Variants in SYTL3 observed in about 807,000 individuals in gnomAD.
The protein encoded by SYTL3 is synaptotagmin-like protein 3.
In SYTL3, 88 loss-of-function variants were observed where a neutral mutation model predicts 82.1. The observed-to-expected ratio is 1.07, with a 90% confidence interval of 0.90 to 1.28. The LOEUF is 1.28. Ranked by LOEUF, SYTL3 falls within the 50% of genes most tolerant of loss-of-function variation. The pLI is 0.00. For missense variants in SYTL3, 831 were observed against 757.6 expected (o/e 1.10, Z -1.14); for synonymous variants, 311 against 289.4 (o/e 1.07, Z -0.76).
At chr6:158,745,102 C>T (rs559831789) in intron 11 of SYTL3, among the ~76,000 whole-genome samples, 1 of 152,012 alleles carries the variant, frequency 6.6e-6, no homozygotes, top group Non-Finnish European at 1.5e-5. Context: ...GCCACTTAGC[C>T]CCAGACTGTG....
chr6:158,685,130 C>T (rs1202419838), intron 6 of SYTL3, among the ~76,000 whole-genome samples: 1 of 152,016 alleles, frequency 6.6e-6, no homozygotes, highest in Non-Finnish European at 1.5e-5. Flanking sequence ...TGCCGTCATC[C>T]CATGTGGAAT....
chr6:158,687,145 C>A (rs2128414414), intron 6 of SYTL3, among the ~76,000 whole-genome samples: 1 of 152,288 alleles, frequency 6.6e-6, no homozygotes, highest in Middle Eastern at 3.4e-3. Flanking sequence ...TAGCAAATTC[C>A]CCTCAAACCT....
chr6:158,727,630 T>C (rs1169807204), intron 11 of SYTL3, among the ~76,000 whole-genome samples: 16 of 150,546 alleles, frequency 1.1e-4, no homozygotes, highest in Admixed American at 1.1e-3. Flanking sequence ...CCACCAGGCC[T>C]CGAGGCCACC....
At chr6:158,712,267 G>A (rs1583330104) in intron 8 of SYTL3, among the ~76,000 whole-genome samples, 1 of 152,100 alleles carries the variant, frequency 6.6e-6, no homozygotes, top group Admixed American at 6.6e-5. Context: ...AGTGGGTGGT[G>A]CCTGCCAATA....
chr6:158,718,760 T>C (rs1389049959), intron 10 of SYTL3, among the ~76,000 whole-genome samples: 1 of 152,206 alleles, frequency 6.6e-6, no homozygotes, highest in East Asian at 1.9e-4. Flanking sequence ...GAGTGAACGC[T>C]TCGGGTATGA....
Position 158,718,153 on chromosome 6 carries a change from G to A in SYTL3, c.662G>A (p.Cys221Tyr). The A allele has an allele frequency of 6.5e-7, 1 of 1,546,622 alleles. No individual in the cohort carries two copies. The highest frequency in any genetic ancestry group is 8.7e-7 in the Non-Finnish European group (1 of 1,145,076). Residue 221 changes from cysteine (C) to tyrosine (Y), a missense_variant, in exon 10 of 18, where the codon TGT becomes TAT. Transcript: ENST00000611299. ...KHLLATGPRQ[C>Y]VGQTERRSQS... The stretch of plus-strand genomic sequence containing the variant: ...CTTCTCGCCACGGGCCCCAGGCAGT[G>A]TGTGGGACAGACAGAGAGACGGAGC...
chr6:158,738,641 C>G (rs748265944), intron 11 of SYTL3, among the ~76,000 whole-genome samples: 1 of 152,140 alleles, frequency 6.6e-6, no homozygotes, highest in East Asian at 1.9e-4. Flanking sequence ...TTTTCTCTCC[C>G]CACCTCAGCT....
chr6:158,692,315 A>G (rs1348241999), intron 6 of SYTL3, among the ~76,000 whole-genome samples: 1 of 150,256 alleles, frequency 6.7e-6, no homozygotes, highest in Non-Finnish European at 1.5e-5. Flanking sequence ...GTAATAGATA[A>G]GCAGTCTACT....
chr6:158,731,767 G>GT (rs2128490831), intron 11 of SYTL3, among the ~76,000 whole-genome samples: 1 of 152,116 alleles, frequency 6.6e-6, no homozygotes, highest in African/African-American at 2.4e-5. Context: ...CTAATTTTTT[G>GT]TATTTTTAGT....
At chr6:158,694,270 C>T (rs1780323402) in intron 6 of SYTL3, among the ~76,000 whole-genome samples, 1 of 151,986 alleles carries the variant, frequency 6.6e-6, no homozygotes, top group Non-Finnish European at 1.5e-5. Context: ...TAATAATCTT[C>T]CTGAGACAGG....
chr6:158,664,204 T>C (rs1449923309), intron 4 of SYTL3, among the ~76,000 whole-genome samples: 1 of 152,216 alleles, frequency 6.6e-6, no homozygotes, highest in Non-Finnish European at 1.5e-5. Context: ...ATCCTCCCTG[T>C]TATTTCAAAG....
rs1179468688 is a variant in SYTL3 at position 158,693,406 on chromosome 6, G to T, written c.394+10417G>T. Among the ~76,000 whole-genome samples, 3 of 152,068 alleles carry T rather than the reference G, an allele frequency of 2.0e-5. No homozygotes were observed. The East Asian group carries it at 5.8e-4, about 29-fold the overall frequency. On this transcript the variant is annotated intron_variant, in intron 6 of 17. Transcript: ENST00000611299. ...CTAATTTGTTTTGTTTTGTTCTGCT[G>T]ACATGGAGTCTCACTCTGTCACCCA... is the stretch of plus-strand genomic sequence containing the variant.
rs869182913 is a variant in SYTL3, at chr6:158,744,304, C to CTT, written c.856-1157_856-1156dup. On this transcript the variant is annotated intron_variant, in intron 11 of 17. Coordinates refer to ENST00000611299, the MANE Select transcript of SYTL3 (RefSeq NM_001242394.2). ...GCTTGTTTTTTTTTTCTTTTTCTTT[C>CTT]TTTTTTTTTTTTTTTTTTTTGAGAC... 3.4e-3 allele frequency among the ~76,000 whole-genome samples: 336 copies of CTT among 99,182 alleles called. 14 individuals are homozygous for CTT. Among genetic ancestry groups the CTT allele is most frequent in the East Asian group, 0.016 (48 of 2,974 alleles). 65.1% of individuals were successfully genotyped at this position (99,182 alleles called of 152,430 possible).
intron 11 of SYTL3, among the ~76,000 whole-genome samples, chr6:158,731,008 G>C (rs950906990): frequency 1.3e-5 from 2 of 152,190 alleles, no homozygotes; most frequent in Non-Finnish European, 2.9e-5. Context: ...ATTCGGGCCG[G>C]GCGTGGTGGC....
intron 6 of SYTL3, among the ~76,000 whole-genome samples, chr6:158,691,897 C>T (rs1369432218): frequency 1.3e-5 from 2 of 150,384 alleles, no homozygotes; most frequent in Non-Finnish European, 1.5e-5. Context: ...GTGATCGGCC[C>T]GCCTCGGCCT....
chr6:158,674,246 C>A (rs974691795), intron 5 of SYTL3, among the ~76,000 whole-genome samples: 1 of 152,070 alleles, frequency 6.6e-6, no homozygotes, highest in Non-Finnish European at 1.5e-5. Flanking sequence ...CATTTCTGCT[C>A]TTTTCTGCTG....
At chr6:158,693,256 C>T (rs1238830730) in intron 6 of SYTL3, among the ~76,000 whole-genome samples, 1 of 152,154 alleles carries the variant, frequency 6.6e-6, no homozygotes, top group Non-Finnish European at 1.5e-5. Flanking sequence ...CTCATTTTGT[C>T]ACCTAACCTG....
At chr6:158,715,599 TCA>T (rs72372107) in intron 9 of SYTL3, among the ~76,000 whole-genome samples, 4 of 116,476 alleles carry the variant, frequency 3.4e-5, no homozygotes, top group Admixed American at 1.7e-4. Context: ...TGAAACCGCA[TCA>T]CACACACACA....
chr6:158,730,527 C>T (rs1053875362), intron 11 of SYTL3, among the ~76,000 whole-genome samples: 1 of 152,154 alleles, frequency 6.6e-6, no homozygotes, highest in Non-Finnish European at 1.5e-5. Context: ...CTCTAGTCCT[C>T]TCTCATGAGG....
Sources: gnomAD v4.1 joint callset for allele counts (sites outside exome capture counted in the v4.1 genomes callset) on GRCh38, gnomAD v4.1.1 for gene constraint, MANE v1.5 for transcripts, NCBI Gene and HGNC (gene_info 2026-07-23, HGNC 2026-07-21) for gene names.